Variants in SCAPER observed in about 807,000 individuals in gnomAD.
SCAPER encodes S phase cyclin A-associated protein in the endoplasmic reticulum.
A neutral mutation model predicts 182.2 loss-of-function variants in SCAPER; 98 were observed. The observed-to-expected ratio is 0.54, with a 90% CI of 0.46 to 0.64. The LOEUF is 0.64. Ranked by LOEUF, SCAPER falls within the 30% of genes least tolerant of loss-of-function variation. SCAPER has a pLI of 0.00. For synonymous variants in SCAPER, 605 were observed against 564.6 expected (o/e 1.07, Z -1.01); for missense variants, 1,432 against 1,690.0 (o/e 0.85, Z 2.68).
intron 5 of SCAPER, among the ~76,000 whole-genome samples, chr15:76,807,152 A>G (rs1176416559): frequency 2.6e-5 from 4 of 152,236 alleles, no homozygotes; most frequent in Non-Finnish European, 5.9e-5. Flanking sequence ...ACCCAACGGG[A>G]AAGCTTTCAG....
Position 76,456,210 on chromosome 15 carries a change from A to G in SCAPER, c.3078+15002T>C, listed in dbSNP as rs147327286. ...AGTGATGGAATTGCTGGGTCAAATG[A>G]TATTTCTGGTTCTAGATCCTTGGGG... On this transcript the variant is annotated intron_variant, in intron 25 of 31. Coordinates refer to ENST00000563290, the MANE Select transcript of SCAPER (RefSeq NM_020843.4). Among the ~76,000 whole-genome samples, 6 of 152,228 alleles carry G rather than the reference A, an allele frequency of 3.9e-5. No individual in the cohort carries two copies. The East Asian group carries it at 7.7e-4, about 20-fold the overall frequency.
At chr15:76,624,920 C>T (rs1413843444) in intron 21 of SCAPER, among the ~76,000 whole-genome samples, 2 of 152,150 alleles carry the variant, frequency 1.3e-5, no homozygotes, top group East Asian at 3.9e-4. Context: ...CAGGAATAAC[C>T]TCTGGATCCC....
At chr15:76,801,598 G>A (rs1183181479) in intron 6 of SCAPER, among the ~76,000 whole-genome samples, 1 of 152,122 alleles carries the variant, frequency 6.6e-6, no homozygotes, top group Non-Finnish European at 1.5e-5. Context: ...AGGCAAAGAA[G>A]AGAAATGCTG....
At chr15:76,586,942 T>TG (rs1488366664) in intron 22 of SCAPER, among the ~76,000 whole-genome samples, 2 of 151,962 alleles carry the variant, frequency 1.3e-5, no homozygotes, top group Non-Finnish European at 2.9e-5. Flanking sequence ...TGGATTTTTT[T>TG]TTGTTGTTGT....
At position 76,665,766 on chromosome 15, in the gene SCAPER, G is replaced by A; in HGVS notation, c.2532C>T (p.Tyr844=). 1 of 1,533,676 alleles carries A rather than the reference G, an allele frequency of 6.5e-7. No individual in the cohort carries two copies. Among genetic ancestry groups the A allele is most frequent in the South Asian group, 1.3e-5 (1 of 78,944 alleles). ...TACTTTCAACCACAATGTCAATAAT[G>A]TACTTCTTCAAGGAAAGATGCTCCT... ...EEVEHLSLKK[Y]IIDIVVESTA... Residue 844 remains tyrosine, a synonymous_variant, in exon 21 of 32, where the codon TAC becomes TAT. Transcript: ENST00000563290.
chr15:76,539,393 C>G (rs1018484786), intron 23 of SCAPER, among the ~76,000 whole-genome samples: 6 of 152,128 alleles, frequency 3.9e-5, no homozygotes, highest in Non-Finnish European at 1.5e-5. Context: ...GAAATTTACA[C>G]TTAAAATGTT....
At chr15:76,773,690 C>A (rs1368586804) in intron 9 of SCAPER, among the ~76,000 whole-genome samples, 1 of 151,680 alleles carries the variant, frequency 6.6e-6, no homozygotes, top group African/African-American at 2.4e-5. Flanking sequence ...AGATCGGAAA[C>A]AATGTTAAGA....
intron 8 of SCAPER, 120 bp from the exon 9 acceptor site, chr15:76,775,237 A>C: frequency 1.2e-6 from 1 of 814,972 alleles, no homozygotes; most frequent in Non-Finnish European, 1.9e-6. Flanking sequence ...ATATACAAAC[A>C]TGAGAGTATT....
chr15:76,651,812 T>C (rs535962042), intron 21 of SCAPER, among the ~76,000 whole-genome samples: 218 of 132,280 alleles, frequency 1.6e-3, no homozygotes, highest in Non-Finnish European at 2.8e-3. Context: ...AGAGGCACAA[T>C]GGAAAAAAAA....
At chr15:76,414,699 G>A (rs2045534742) in intron 26 of SCAPER, among the ~76,000 whole-genome samples, 1 of 151,612 alleles carries the variant, frequency 6.6e-6, no homozygotes, top group Non-Finnish European at 1.5e-5. Context: ...TAATAAAAGG[G>A]CCATCTGAAA....
At chr15:76,713,150 G>T (rs904867896) in intron 17 of SCAPER, among the ~76,000 whole-genome samples, 3 of 152,126 alleles carry the variant, frequency 2.0e-5, no homozygotes, top group African/African-American at 7.2e-5. Context: ...AGAGGATGTG[G>T]AGAAATAGGA....
chr15:76,448,582 A>C (rs1037849934), intron 25 of SCAPER, among the ~76,000 whole-genome samples: 2 of 152,188 alleles, frequency 1.3e-5, no homozygotes, highest in African/African-American at 4.8e-5. Context: ...GAAACAAACA[A>C]ACACAGAAAC....
intron 3 of SCAPER, among the ~76,000 whole-genome samples, chr15:76,859,102 T>C (rs1263487269): frequency 6.6e-6 from 1 of 152,226 alleles, no homozygotes; most frequent in Non-Finnish European, 1.5e-5. Flanking sequence ...AGTGTGTAAG[T>C]GTTCCTTTTT....
At chr15:76,564,223 ACTATC>A (rs1288455201) in intron 23 of SCAPER, among the ~76,000 whole-genome samples, 2 of 152,150 alleles carry the variant, frequency 1.3e-5, no homozygotes, top group African/African-American at 4.8e-5. Flanking sequence ...AGGAAGTCAA[ACTATC>A]CTTGTTTGCA....
chr15:76,436,441 T>C (rs934245365), intron 25 of SCAPER, among the ~76,000 whole-genome samples: 1 of 152,196 alleles, frequency 6.6e-6, no homozygotes, highest in African/African-American at 2.4e-5. Flanking sequence ...CATCTTTTTA[T>C]GTTTTTTCCT....
intron 23 of SCAPER, among the ~76,000 whole-genome samples, chr15:76,572,678 A>G (rs192610254): frequency 8.9e-4 from 136 of 152,130 alleles, no homozygotes; most frequent in Admixed American, 2.8e-3. Context: ...ATGACTTAGG[A>G]ACTTGTTAGG....
At chr15:76,748,975 C>G (rs1404830431) in intron 15 of SCAPER, among the ~76,000 whole-genome samples, 2 of 151,630 alleles carry the variant, frequency 1.3e-5, no homozygotes, top group Admixed American at 1.3e-4. Flanking sequence ...ACAAACAACT[C>G]TAAAAAAATT....
intron 25 of SCAPER, among the ~76,000 whole-genome samples, chr15:76,441,085 C>G (rs1226680036): frequency 6.6e-6 from 1 of 151,734 alleles, no homozygotes; most frequent in Non-Finnish European, 1.5e-5. Context: ...CCACGCCCGG[C>G]TAATTTTTTG....
At chr15:76,686,185 A>G (rs1466893377) in intron 20 of SCAPER, among the ~76,000 whole-genome samples, 1 of 152,004 alleles carries the variant, frequency 6.6e-6, no homozygotes, top group African/African-American at 2.4e-5. Flanking sequence ...ACTAGTAACA[A>G]TTTGTGAAAA....
Sources: gnomAD v4.1 joint callset for allele counts (sites outside exome capture counted in the v4.1 genomes callset) on GRCh38, gnomAD v4.1.1 for gene constraint, MANE v1.5 for transcripts, NCBI Gene and HGNC (gene_info 2026-07-23, HGNC 2026-07-21) for gene names.